Variants in STAU2 observed in about 807,000 individuals in gnomAD.
The protein encoded by STAU2 is double-stranded RNA-binding protein Staufen homolog 2.
A neutral mutation model predicts 65.9 loss-of-function variants in STAU2; 20 were observed. The observed-to-expected ratio is 0.30, with a 90% CI of 0.21 to 0.44. The LOEUF is 0.44. Among genes scored for constraint, STAU2 ranks in the 20% least tolerant of loss-of-function variants. The pLI is 1.00. For synonymous variants in STAU2, 232 were observed against 233.9 expected (o/e 0.99, Z 0.07); for missense variants, 558 against 683.9 (o/e 0.82, Z 2.05).
chr8:73,559,072 T>C (rs1361761239), intron 12 of STAU2, among the ~76,000 whole-genome samples: 1 of 152,214 alleles, frequency 6.6e-6, no homozygotes, highest in Non-Finnish European at 1.5e-5. Context: ...ATCATTTATA[T>C]GAGAACTGGT....
chr8:73,666,440 C>T lies in STAU2; in HGVS notation c.410+6667G>A, dbSNP rs147104593. On this transcript the variant is annotated intron_variant, in intron 6 of 14. Coordinates refer to ENST00000524300, the MANE Select transcript of STAU2 (RefSeq NM_001164380.2). ...CCATCACTATCTGTAAAATGATTTC[C>T]GTGTCTCACAGATTTATTTCACAGG... Among the ~76,000 whole-genome samples the T allele has an allele frequency of 5.8e-4, 89 of 152,236 alleles. 1 individual carries two copies. The East Asian group carries it at 0.012, about 21-fold the overall frequency.
rs1816317252 is a variant in STAU2 at position 73,420,510 on chromosome 8, C to A, written c.*862G>T. 8.4e-6 allele frequency: 2 copies of A among 239,374 alleles called. No individual in the cohort carries two copies. Among genetic ancestry groups the A allele is most frequent in the South Asian group, 5.7e-5 (1 of 17,600 alleles). The allele number at this position is 239,374 out of a possible 1,614,324, so 14.8% of individuals were successfully genotyped here. The stretch of plus-strand genomic sequence containing the variant: ...TGTACATTATTTATTTTTGATCCTA[C>A]TCACTGTCCCAAGTCCAGAGGCAGT... On this transcript the variant is annotated 3_prime_UTR_variant, in exon 15 of 15. Coordinates refer to ENST00000524300, the MANE Select transcript of STAU2 (RefSeq NM_001164380.2).
At chr8:73,430,458 C>A (rs1239048284) in intron 13 of STAU2, among the ~76,000 whole-genome samples, 1 of 152,164 alleles carries the variant, frequency 6.6e-6, no homozygotes, top group African/African-American at 2.4e-5. Context: ...CACTTCATCA[C>A]CCCCTATTTT....
intron 4 of STAU2, among the ~76,000 whole-genome samples, chr8:73,691,487 G>A (rs1422181114): frequency 6.6e-6 from 1 of 151,824 alleles, no homozygotes; most frequent in African/African-American, 2.4e-5. Context: ...CCAATCTCAT[G>A]AGCCAGACAC....
intron 12 of STAU2, among the ~76,000 whole-genome samples, chr8:73,580,171 T>C (rs2128961340): frequency 6.6e-6 from 1 of 152,326 alleles, no homozygotes; most frequent in East Asian, 1.9e-4. Context: ...TTTGAAGCAA[T>C]GTAGAGTTTA....
At chr8:73,509,913 C>T (rs1822291793) in intron 13 of STAU2, among the ~76,000 whole-genome samples, 1 of 152,020 alleles carries the variant, frequency 6.6e-6, no homozygotes, top group Non-Finnish European at 1.5e-5. Context: ...TTTCTGTTGG[C>T]ATAAAACTGT....
intron 6 of STAU2, among the ~76,000 whole-genome samples, chr8:73,646,811 C>T (rs1815406736): frequency 6.6e-6 from 1 of 151,668 alleles, no homozygotes; most frequent in South Asian, 2.1e-4. Flanking sequence ...GATTTGCAAA[C>T]CACATATCTA....
At chr8:73,507,104 C>T (rs1354530798) in intron 13 of STAU2, among the ~76,000 whole-genome samples, 1 of 152,120 alleles carries the variant, frequency 6.6e-6, no homozygotes, top group African/African-American at 2.4e-5. Flanking sequence ...CTTCCAAATC[C>T]CTGCTAATGT....
chr8:73,716,676 T>G (rs917032995), intron 3 of STAU2, among the ~76,000 whole-genome samples: 3 of 152,252 alleles, frequency 2.0e-5, no homozygotes, highest in Non-Finnish European at 4.4e-5. Flanking sequence ...TTTCATTTGC[T>G]TATATGTCAT....
chr8:73,469,293 C>A (rs1819841378), intron 13 of STAU2, among the ~76,000 whole-genome samples: 1 of 151,638 alleles, frequency 6.6e-6, no homozygotes, highest in Non-Finnish European at 1.5e-5. Flanking sequence ...CATCACACAC[C>A]AGGGCCTGTT....
chr8:73,423,296 G>C (rs1482220704), intron 13 of STAU2, among the ~76,000 whole-genome samples: 2 of 152,226 alleles, frequency 1.3e-5, no homozygotes, highest in African/African-American at 4.8e-5. Context: ...CTCCCGAGGT[G>C]TTGATAGGCT....
rs898891155 is a variant in STAU2 at position 73,482,958 on chromosome 8, A to G, written c.1531-60256T>C. Among the ~76,000 whole-genome samples, 9 of 152,152 alleles carry G rather than the reference A, an allele frequency of 5.9e-5. 1 individual carries two copies. In the South Asian group the frequency reaches 1.2e-3, roughly 21 times the overall value. ...ATAAAGAATGGTAAACAGAGCTCCC[A>G]TATCTCTTATAATTTCCTTGTATCA... On this transcript the variant is annotated intron_variant, in intron 13 of 14. Transcript: ENST00000524300.
chr8:73,610,675 A>G (rs1195398049), intron 9 of STAU2, among the ~76,000 whole-genome samples: 2 of 152,204 alleles, frequency 1.3e-5, no homozygotes, highest in African/African-American at 4.8e-5. Context: ...CTATATACCA[A>G]TAAGGACAGT....
At chr8:73,549,534 G>A in intron 13 of STAU2, 1 of 709,360 alleles carries the variant, frequency 1.4e-6, no homozygotes, top group Non-Finnish European at 1.7e-6. Context: ...GATCAAAGTA[G>A]CTTTTTGTAA....
At chr8:73,739,101 C>T (rs1393328407) in intron 2 of STAU2, among the ~76,000 whole-genome samples, 4 of 151,894 alleles carry the variant, frequency 2.6e-5, no homozygotes, top group East Asian at 1.9e-4. Context: ...GGCATGGTGG[C>T]GCGTGCCTGT....
chr8:73,557,645 A>G (rs1397074456), intron 12 of STAU2, among the ~76,000 whole-genome samples: 1 of 152,130 alleles, frequency 6.6e-6, no homozygotes, highest in Admixed American at 6.5e-5. Context: ...TTCATTGTTA[A>G]TTTATTTTTG....
intron 3 of STAU2, among the ~76,000 whole-genome samples, chr8:73,710,545 T>G (rs1820823858): frequency 6.6e-6 from 1 of 152,092 alleles, no homozygotes. Context: ...TCTATCCCGC[T>G]TAAGTCCCAA....
intron 13 of STAU2, among the ~76,000 whole-genome samples, chr8:73,461,852 C>T (rs1244015808): frequency 2.6e-5 from 4 of 152,262 alleles, no homozygotes; most frequent in African/African-American, 9.6e-5. Context: ...TCTGCCCAGC[C>T]GTGTGGCCAC....
rs955818942 is a variant in STAU2, at chr8:73,571,976, A to G, written c.1222+10794T>C. On this transcript the variant is annotated intron_variant, in intron 12 of 14. Transcript: ENST00000524300. ...GAATCCAGGAAGCGGTTTTTTGAAAAGATCAACAAAATTGATAGACCGCTA... is the reference window on the plus strand; with the variant it reads ...GAATCCAGGAAGCGGTTTTTTGAAAGGATCAACAAAATTGATAGACCGCTA... 5.9e-5 allele frequency among the ~76,000 whole-genome samples: 9 copies of G among 152,294 alleles called. No individual in the cohort carries two copies. The East Asian group carries it at 7.7e-4, about 13-fold the overall frequency.
Sources: allele counts gnomAD v4.1 joint callset (sites outside exome capture counted in the v4.1 genomes callset), GRCh38; gene constraint gnomAD v4.1.1; transcripts MANE v1.5; gene names NCBI Gene and HGNC (gene_info 2026-07-23, HGNC 2026-07-21).